Variants in NKTR observed in about 807,000 individuals in gnomAD.
NKTR encodes the protein natural killer cell triggering receptor.
A neutral mutation model predicts 156.3 loss-of-function variants in NKTR; 67 were observed. The observed-to-expected ratio is 0.43, with a 90% CI of 0.35 to 0.53. NKTR has a LOEUF of 0.53. Among genes scored for constraint, NKTR ranks in the 20% least tolerant of loss-of-function variants. The pLI is 0.01. For missense variants in NKTR, 1,604 were observed against 1,730.9 expected, an observed-to-expected ratio of 0.93 and a Z score of 1.30; for synonymous variants, 640 against 596.6, an observed-to-expected ratio of 1.07 and a Z score of -1.06.
chr3:42,648,020 G>C lies in NKTR; in HGVS notation c.*2045G>C, dbSNP rs913501303. On this transcript the variant is annotated 3_prime_UTR_variant, in exon 17 of 17. Transcript: ENST00000232978. Reference sequence around the variant, plus strand: ...TCATTCAGGTTGTTGGCGGAATTCAGTTCTTTGCTGGCTCTCAGCTGGAGG... The same window carrying C: ...TCATTCAGGTTGTTGGCGGAATTCACTTCTTTGCTGGCTCTCAGCTGGAGG... The C allele has an allele frequency of 2.0e-5, 3 of 152,196 alleles. No individual in the cohort carries two copies. The highest frequency in any genetic ancestry group is 2.9e-5 in the Non-Finnish European group (2 of 68,046). 9.4% of individuals were successfully genotyped at this position (152,196 alleles called of 1,614,324 possible).
At position 42,632,838 on chromosome 3, in the gene NKTR, C is replaced by A; in HGVS notation, c.773+15C>A. 1 of 1,527,374 alleles carries A rather than the reference C, an allele frequency of 6.5e-7. No individual in the cohort carries two copies. Among genetic ancestry groups the A allele is most frequent in the Non-Finnish European group, 8.8e-7 (1 of 1,139,214 alleles). The allele number at this position is 1,527,374 out of a possible 1,614,324, so 94.6% of individuals were successfully genotyped here. A position where few individuals can be genotyped will look rare whatever the true frequency, so the allele number is the denominator to read the frequency against. ...AACCCAAAAGGGTACGTGTAAAACA[C>A]CAATGTACTCTTACCTAAAAACAAA... On this transcript the variant is annotated intron_variant, in intron 9 of 16. Coordinates refer to ENST00000232978, the MANE Select transcript of NKTR (RefSeq NM_005385.4).
In NKTR at chr3:42,638,273, A is replaced by G; in HGVS notation, c.2569A>G (p.Lys857Glu). ...GTCTGAACGGGAATGCCCTCATTCA[A>G]AAAAAAGAACTTTGAAAGAGAATCT... is the stretch of plus-strand genomic sequence containing the variant. Reference protein sequence around the residue: ...SKSERECPHSKKRTLKENLSD... With the variant: ...SKSERECPHSEKRTLKENLSD... The change falls in exon 13 of 17, where the codon AAA becomes GAA. Residue 857 changes from lysine (K) to glutamate (E), a missense_variant. Coordinates refer to ENST00000232978, the MANE Select transcript of NKTR (RefSeq NM_005385.4). 1 of 1,606,904 alleles carries G rather than the reference A, an allele frequency of 6.2e-7. No individual in the cohort carries two copies. Among genetic ancestry groups the G allele is most frequent in the Admixed American group, 1.7e-5 (1 of 57,984 alleles).
chr3:42,619,773 CT>C, intron 5 of NKTR, 65 bp downstream of exon 5: 1 of 1,587,878 alleles, frequency 6.3e-7, no homozygotes. Context: ...TGATCATATA[CT>C]TTTAATGAGA....
intron 2 of NKTR, chr3:42,601,614 A>T (rs1332590745): frequency 1.3e-5 from 2 of 152,264 alleles, no homozygotes; most frequent in Non-Finnish European, 2.9e-5. Flanking sequence ...GCATGCATGC[A>T]CTTAGCATTA....
At chr3:42,608,935 G>A (rs2125765090) in intron 2 of NKTR, among the ~76,000 whole-genome samples, 1 of 152,228 alleles carries the variant, frequency 6.6e-6, no homozygotes, top group African/African-American at 2.4e-5. Flanking sequence ...AGACAAGCCT[G>A]GCCAACGTGG....
At chr3:42,639,847 A>G in intron 13 of NKTR, 97 bp downstream of exon 13, 1 of 881,726 alleles carries the variant, frequency 1.1e-6, no homozygotes, top group Non-Finnish European at 1.8e-6. Context: ...ACTATTTCCA[A>G]ATATCTGAAA....
At chr3:42,642,636 T>C in intron 14 of NKTR, 40 bp downstream of exon 14, 1 of 1,449,224 alleles carries the variant, frequency 6.9e-7, no homozygotes. Context: ...GTCTCCATCA[T>C]GTCCACTTTT....
chr3:42,641,505 A>T (rs1321559886), intron 13 of NKTR, among the ~76,000 whole-genome samples: 1 of 152,168 alleles, frequency 6.6e-6, no homozygotes, highest in Non-Finnish European at 1.5e-5. Flanking sequence ...TGCTTGTTTT[A>T]TTAAGTATTA....
chr3:42,604,306 ATGCT>A, intron 2 of NKTR, among the ~76,000 whole-genome samples: 1 of 151,286 alleles, frequency 6.6e-6, no homozygotes, highest in African/African-American at 2.4e-5. Flanking sequence ...TTTCTTTCTA[ATGCT>A]TGCTTCAATT....
At position 42,638,853 on chromosome 3, in the gene NKTR, C is replaced by G; in HGVS notation, c.3149C>G (p.Thr1050Ser). 1 of 1,604,438 alleles carries G rather than the reference C, an allele frequency of 6.2e-7. No individual in the cohort carries two copies. The highest frequency in any genetic ancestry group is 1.1e-5 in the South Asian group (1 of 88,750). ...KEKKVSENNE[T>S]IKDNILKTEK... is the part of the protein sequence containing the mutation. ...AAAAAAGTTTCTGAAAACAATGAAA[C>G]CATAAAAGATAATATTCTAAAAACT... Residue 1050 changes from threonine to serine, a missense_variant, in exon 13 of 17, where the codon ACC (threonine) becomes AGC (serine). Thr to Ser is a moderately conservative substitution (Grantham distance 58). Around this residue, in one of 6 missense-constraint regions of NKTR, gnomAD observed 1,255 missense variants for 1,243.7 expected, o/e 1.01. Transcript: ENST00000232978.
intron 6 of NKTR, chr3:42,628,148 A>AATCT: frequency 1.0e-6 from 1 of 984,636 alleles, no homozygotes; most frequent in Non-Finnish European, 1.2e-6. Context: ...CTTAATATGT[A>AATCT]ATCTAATCCA....
intron 5 of NKTR, chr3:42,620,321 G>C: frequency 8.5e-7 from 1 of 1,170,832 alleles, no homozygotes; most frequent in East Asian, 4.0e-5. Flanking sequence ...GTTTTTCAAA[G>C]GTTTGTATGT....
rs1280529937 is a variant in NKTR, at chr3:42,637,376, G to A, written c.1672G>A (p.Gly558Arg). 1 of 1,613,944 alleles carries A rather than the reference G, an allele frequency of 6.2e-7. No individual in the cohort carries two copies. The highest frequency in any genetic ancestry group is 8.5e-7 in the Non-Finnish European group (1 of 1,179,996). ...RSKSRSSSKS[G>R]HRKRASKSPR... is the part of the protein sequence containing the mutation. ...AAAGTCCAGATCTAGTTCCAAGTCT[G>A]GGCACCGAAAGAGAGCATCAAAATC... The change falls in exon 13 of 17, where the codon GGG (glycine) becomes AGG (arginine). Residue 558 changes from glycine (G) to arginine (R), a missense_variant. Physicochemically the swap from Gly to Arg is moderately radical, Grantham distance 125 (BLOSUM62 -2). This residue lies in a region of NKTR where 1,255 missense variants were observed against 1,243.7 expected (regional missense o/e 1.01). Coordinates refer to ENST00000232978, the MANE Select transcript of NKTR (RefSeq NM_005385.4).
At chr3:42,611,826 C>T (rs760598524) in intron 2 of NKTR, among the ~76,000 whole-genome samples, 14 of 152,018 alleles carry the variant, frequency 9.2e-5, no homozygotes, top group Non-Finnish European at 1.3e-4. Context: ...TATGAGGATG[C>T]GTATTTTCTT....
intron 6 of NKTR, 137 bp from the exon 7 acceptor site, chr3:42,630,409 A>G: frequency 6.7e-7 from 1 of 1,500,430 alleles, no homozygotes; most frequent in South Asian, 1.3e-5. Context: ...GGTTAGATAT[A>G]TATCATGTTT....
intron 9 of NKTR, 96 bp from the exon 10 acceptor site, chr3:42,633,484 G>A (rs577916617): frequency 2.7e-5 from 40 of 1,497,998 alleles, no homozygotes; most frequent in Middle Eastern, 1.9e-4. Flanking sequence ...GTAAGCTATC[G>A]TTAATTATGC....
chr3:42,643,660 C>A, intron 15 of NKTR: 1 of 661,364 alleles, frequency 1.5e-6, no homozygotes, highest in Admixed American at 2.3e-5. Context: ...TTCAAACTAA[C>A]TCGTTAACTT....
At chr3:42,613,184 A>T (rs1462201358) in intron 2 of NKTR, among the ~76,000 whole-genome samples, 2 of 152,114 alleles carry the variant, frequency 1.3e-5, no homozygotes, top group Non-Finnish European at 2.9e-5. Context: ...ATGATAGCTC[A>T]TATTGTGTAG....
Position 42,637,480 on chromosome 3 carries a change from T to A in NKTR, c.1776T>A (p.Asn592Lys), listed in dbSNP as rs965216138. ...CTTTAAGAGCAACCATGGCACAAAATGAAAATGTAGTAGTACAACCAGTTG... is the reference window on the plus strand; with the variant it reads ...CTTTAAGAGCAACCATGGCACAAAAAGAAAATGTAGTAGTACAACCAGTTG... ...TEPLRATMAQNENVVVQPVVA... is the reference protein window; with the variant it reads ...TEPLRATMAQKENVVVQPVVA... The change falls in exon 13 of 17, where the codon AAT becomes AAA. Residue 592 changes from asparagine (N) to lysine (K), a missense_variant. By Grantham distance (94) the Asn-to-Lys change is moderately conservative. Coordinates refer to ENST00000232978, the MANE Select transcript of NKTR (RefSeq NM_005385.4). 1.2e-5 allele frequency: 19 copies of A among 1,613,496 alleles called. 1 individual carries two copies. The highest frequency in any genetic ancestry group is 2.7e-5 in the African/African-American group (2 of 74,838).
Sources: gnomAD v4.1 joint callset for allele counts (sites outside exome capture counted in the v4.1 genomes callset) on GRCh38, gnomAD v4.1.1 for gene constraint, gnomAD v4.1.1 regional missense constraint, MANE v1.5 for transcripts, NCBI Gene and HGNC (gene_info 2026-07-23, HGNC 2026-07-21) for gene names.